MS4A18: variants seen among roughly 807,000 people sequenced by gnomAD.
MS4A18 encodes membrane spanning 4-domains A18.
Under a neutral mutation model 13.1 loss-of-function variants are expected in MS4A18, and 27 were observed. The observed-to-expected ratio is 2.06, with a 90% CI of 1.52 to 2.84. The LOEUF (loss-of-function observed/expected upper bound fraction) is 2.84, where lower values mean the gene tolerates loss of function less well. Among genes scored for constraint, MS4A18 ranks in the 30% most tolerant of loss-of-function variants. MS4A18 has a pLI of 0.00. For synonymous variants in MS4A18, 126 were observed against 76.5 expected, an observed-to-expected ratio of 1.65 and a Z score of -3.38; for missense variants, 307 against 196.4, an observed-to-expected ratio of 1.56 and a Z score of -3.37.
At chr11:60,739,355 A>G (rs536436985) in intron 4 of MS4A18, among the ~76,000 whole-genome samples, 75 of 152,182 alleles carry the variant, frequency 4.9e-4, no homozygotes, top group African/African-American at 1.8e-3. Flanking sequence ...AGCCTTTCAC[A>G]CAAACAGGAG....
intron 1 of MS4A18, among the ~76,000 whole-genome samples, chr11:60,731,462 CGA>C (rs1467565368): frequency 6.6e-6 from 1 of 152,182 alleles, no homozygotes; most frequent in Non-Finnish European, 1.5e-5. Context: ...GCCCTTTTCC[CGA>C]TTGCCCCAAG....
intron 5 of MS4A18, among the ~76,000 whole-genome samples, chr11:60,742,184 T>C (rs1853421650): frequency 6.6e-6 from 1 of 152,202 alleles, no homozygotes; most frequent in South Asian, 2.1e-4. Context: ...TTCTAATCCA[T>C]TGTTTTCCAG....
At chr11:60,735,766 C>T (rs1303702816) in intron 2 of MS4A18, among the ~76,000 whole-genome samples, 3 of 145,830 alleles carry the variant, frequency 2.1e-5, no homozygotes, top group African/African-American at 7.8e-5. Flanking sequence ...TAGGTTCAAG[C>T]GATTGTCCTG....
At chr11:60,733,073 T>C (rs1326274845) in intron 1 of MS4A18, among the ~76,000 whole-genome samples, 1 of 152,236 alleles carries the variant, frequency 6.6e-6, no homozygotes, top group Non-Finnish European at 1.5e-5. Flanking sequence ...CGTGTAGGAA[T>C]GCTACGTTTT....
At chr11:60,734,899 G>A (rs568297708) in intron 2 of MS4A18, among the ~76,000 whole-genome samples, 10 of 150,952 alleles carry the variant, frequency 6.6e-5, no homozygotes, top group Non-Finnish European at 1.3e-4. Flanking sequence ...CTCCTGTGTC[G>A]GCCTCCCGAG....
chr11:60,731,085 C>T (rs776092088), intron 1 of MS4A18, among the ~76,000 whole-genome samples: 2 of 151,856 alleles, frequency 1.3e-5, no homozygotes, highest in African/African-American at 2.4e-5. Context: ...CAGAGCTAGA[C>T]TCAGTCTTTA....
intron 1 of MS4A18, among the ~76,000 whole-genome samples, chr11:60,732,188 G>A (rs1340398443): frequency 6.6e-6 from 1 of 152,110 alleles, no homozygotes; most frequent in Non-Finnish European, 1.5e-5. Context: ...CTCAGGAAAA[G>A]AATCTCTCTG....
chr11:60,736,951 C>CT (rs751418835), intron 2 of MS4A18, 27 bp from the exon 4 acceptor site: 16,911 of 630,694 alleles, frequency 0.027, 55 homozygotes, highest in Non-Finnish European at 0.028. Flanking sequence ...ATTGGTCATT[C>CT]TTTTTTTTTT....
intron 5 of MS4A18, among the ~76,000 whole-genome samples, chr11:60,742,665 A>G (rs1044851752): frequency 1.3e-5 from 2 of 152,202 alleles, no homozygotes; most frequent in Non-Finnish European, 2.9e-5. Context: ...TCTTAGGCCT[A>G]GTTTTACTTT....
chr11:60,733,025 T>A (rs1434012277), intron 1 of MS4A18, among the ~76,000 whole-genome samples: 1 of 152,250 alleles, frequency 6.6e-6, no homozygotes, highest in Non-Finnish European at 1.5e-5. Flanking sequence ...ATCACATGAA[T>A]TTCGGCCGAC....
At chr11:60,733,628 C>G (rs773500382) in exon 2 of MS4A18, 1 of 703,484 alleles carries the variant, frequency 1.4e-6, no homozygotes, top group Non-Finnish European at 2.6e-6. Context: ...TCAGGGTACC[C>G]GCTCTGGGGA....
At chr11:60,742,687 A>T (rs1048011924) in intron 5 of MS4A18, among the ~76,000 whole-genome samples, 1 of 152,170 alleles carries the variant, frequency 6.6e-6, no homozygotes, top group African/African-American at 2.4e-5. Context: ...AATGTTATTT[A>T]TCCATTGAGG....
intron 1 of MS4A18, among the ~76,000 whole-genome samples, 169 bp from the exon 3 acceptor site, chr11:60,733,365 C>A (rs549203288): frequency 3.9e-5 from 6 of 152,184 alleles, no homozygotes; most frequent in African/African-American, 4.8e-5. Flanking sequence ...AAAAAAACAC[C>A]CAGGTGTGGA....
chr11:60,734,789 T>C (rs1162693514), intron 2 of MS4A18, among the ~76,000 whole-genome samples: 9 of 149,352 alleles, frequency 6.0e-5, no homozygotes, highest in Non-Finnish European at 8.9e-5. Flanking sequence ...CTTTTCTTTT[T>C]TTTTTTTTTT....
upstream of MS4A18, among the ~76,000 whole-genome samples, chr11:60,727,902 C>T (rs1853188783): frequency 6.6e-6 from 1 of 152,178 alleles, no homozygotes; most frequent in Non-Finnish European, 1.5e-5. Context: ...GCTTATCAGT[C>T]CTCATCAAAT....
intron 4 of MS4A18, 135 bp downstream of exon 5, chr11:60,739,132 A>T: frequency 1.6e-6 from 1 of 619,298 alleles, no homozygotes. Flanking sequence ...AAGCTATTTA[A>T]CCGTCACCAA....
chr11:60,732,709 C>T (rs984647574), intron 1 of MS4A18, among the ~76,000 whole-genome samples: 7 of 135,194 alleles, frequency 5.2e-5, no homozygotes, highest in East Asian at 2.2e-4. Flanking sequence ...CCAGCCTGGG[C>T]GACAGGGCAA....
chr11:60,743,719 ACCACTGGTCCTGTCAATGCTG>A, exon 6 of MS4A18: 1 of 703,066 alleles, frequency 1.4e-6, no homozygotes, highest in Non-Finnish European at 2.6e-6. Context: ...TGTCAATGCT[ACCACTGGTCCTGTCAATGCTG>A]CCACTGGCCC....
At chr11:60,726,036 A>G (rs1258390200), upstream of MS4A18, among the ~76,000 whole-genome samples, 1 of 152,228 alleles carries the variant, frequency 6.6e-6, no homozygotes, top group Non-Finnish European at 1.5e-5. Flanking sequence ...TCCACCATCC[A>G]TATGTCACTG....
Sources: gnomAD v4.1 joint callset for allele counts (sites outside exome capture counted in the v4.1 genomes callset) on GRCh38, gnomAD v4.1.1 for gene constraint, MANE v1.5 for transcripts, NCBI Gene and HGNC (gene_info 2026-07-23, HGNC 2026-07-21) for gene names.